GNA12: variants seen among roughly 807,000 people sequenced by gnomAD.
GNA12 encodes guanine nucleotide-binding protein subunit alpha-12.
In GNA12, 9 loss-of-function variants were observed where a neutral mutation model predicts 26.0. That is an observed-to-expected ratio of 0.35 (90% CI 0.21 to 0.60). The LOEUF (loss-of-function observed/expected upper bound fraction) is 0.60, where lower values mean the gene tolerates loss of function less well. GNA12 is among the 20% of genes least tolerant of loss of function. GNA12 has a pLI of 0.78. For synonymous variants in GNA12, 264 were observed against 219.6 expected, an observed-to-expected ratio of 1.20 and a Z score of -1.79; for missense variants, 405 against 525.8, an observed-to-expected ratio of 0.77 and a Z score of 2.25.
chr7:2,835,617 C>G, intron 1 of GNA12: 4 of 720,284 alleles, frequency 5.6e-6, no homozygotes, highest in Non-Finnish European at 1.0e-5. Flanking sequence ...TCTCCAGTCC[C>G]GAGATGGTGG....
chr7:2,843,727 G>A (rs991773306), intron 1 of GNA12, 126 bp downstream of exon 1: 3 of 456,462 alleles, frequency 6.6e-6, no homozygotes, highest in African/African-American at 4.2e-5. Flanking sequence ...GGTGCAGGCG[G>A]GGCTGGATCC....
At chr7:2,743,594 C>T (rs1021035940) in intron 2 of GNA12, among the ~76,000 whole-genome samples, 3 of 152,210 alleles carry the variant, frequency 2.0e-5, no homozygotes, top group Non-Finnish European at 2.9e-5. Flanking sequence ...CTCCGGTCTA[C>T]AGCTCCCAGC....
chr7:2,749,498 CCG>C (rs1000922451), intron 2 of GNA12, among the ~76,000 whole-genome samples: 1 of 141,312 alleles, frequency 7.1e-6, no homozygotes, highest in Admixed American at 7.4e-5. Context: ...ACATCACACA[CCG>C]GGGACTATTG....
intron 2 of GNA12, among the ~76,000 whole-genome samples, chr7:2,770,812 G>A (rs942532047): frequency 1.3e-5 from 2 of 152,166 alleles, no homozygotes; most frequent in East Asian, 1.9e-4. Flanking sequence ...TACTGAAACC[G>A]AATGCCCCTT....
At chr7:2,784,654 T>C (rs1015904720) in intron 2 of GNA12, among the ~76,000 whole-genome samples, 1 of 152,234 alleles carries the variant, frequency 6.6e-6, no homozygotes, top group African/African-American at 2.4e-5. Context: ...CTTTAATTTA[T>C]GTTTCCACAA....
chr7:2,731,472 G>T lies in GNA12; in HGVS notation c.855C>A (p.Leu285=), dbSNP rs540650945. 6.2e-7 allele frequency: 1 copy of T among 1,613,872 alleles called. No individual in the cohort carries two copies. The highest frequency in any genetic ancestry group is 1.7e-5 in the Admixed American group (1 of 59,992). ...NIFETIVNNK[L]FFNVSIILFL... is the part of the protein sequence containing the mutation. ...AGAGAATGATGGAGACGTTGAAGAA[G>T]AGCTTGTTGTTGACGATGGTCTCGA... Residue 285 remains leucine, a synonymous_variant, in exon 4 of 4, where the codon CTC becomes CTA. Transcript: ENST00000275364. This position sits in a 1 kb window ranked among gnomAD's most constrained non-coding sequence, Gnocchi z 6.0.
chr7:2,807,952 T>C (rs1792989137), intron 1 of GNA12, among the ~76,000 whole-genome samples: 1 of 152,172 alleles, frequency 6.6e-6, no homozygotes, highest in Non-Finnish European at 1.5e-5. Context: ...GTGGAGGAGC[T>C]ACGATGAATT....
chr7:2,782,756 T>C (rs1357197141), intron 2 of GNA12, among the ~76,000 whole-genome samples: 1 of 152,130 alleles, frequency 6.6e-6, no homozygotes. Context: ...TGCCCCGACT[T>C]TTCTTCCTGT....
At chr7:2,807,258 C>A (rs1158051324) in intron 1 of GNA12, among the ~76,000 whole-genome samples, 49 of 149,418 alleles carry the variant, frequency 3.3e-4, no homozygotes, top group Admixed American at 3.2e-3. Context: ...AGCTTTTATA[C>A]TGATTTTTAT....
chr7:2,839,051 T>A (rs964592403), intron 1 of GNA12, among the ~76,000 whole-genome samples: 41 of 152,276 alleles, frequency 2.7e-4, no homozygotes, highest in African/African-American at 7.7e-4. Context: ...CAAACGAGCA[T>A]ACGCGTTTAT....
At chr7:2,831,421 T>C (rs1284470040) in intron 1 of GNA12, among the ~76,000 whole-genome samples, 14 of 146,118 alleles carry the variant, frequency 9.6e-5, no homozygotes, top group African/African-American at 3.5e-4. Flanking sequence ...TTTTTTTTTT[T>C]GAGATGGAGT....
chr7:2,785,484 CATAT>C (rs1792335207), intron 2 of GNA12, among the ~76,000 whole-genome samples: 1 of 152,188 alleles, frequency 6.6e-6, no homozygotes, highest in South Asian at 2.1e-4. Flanking sequence ...AACGGTCACA[CATAT>C]ATACAGTACC....
At chr7:2,770,486 T>C (rs1437504920) in intron 2 of GNA12, among the ~76,000 whole-genome samples, 1 of 152,108 alleles carries the variant, frequency 6.6e-6, no homozygotes, top group African/African-American at 2.4e-5. Context: ...CTAGGCGTGG[T>C]GGTGCACACC....
chr7:2,832,507 G>C (rs944517769), intron 1 of GNA12, among the ~76,000 whole-genome samples: 1 of 152,182 alleles, frequency 6.6e-6, no homozygotes, highest in South Asian at 2.1e-4. Context: ...GTTCCACCAC[G>C]GTGACGAGAG....
intron 1 of GNA12, among the ~76,000 whole-genome samples, chr7:2,795,890 G>A (rs919020847): frequency 6.7e-6 from 1 of 150,080 alleles, no homozygotes; most frequent in Admixed American, 6.7e-5. Flanking sequence ...GAGTGATCTC[G>A]GCTCACTGCA....
intron 1 of GNA12, among the ~76,000 whole-genome samples, chr7:2,843,441 C>G (rs1185089443): frequency 6.6e-6 from 1 of 150,406 alleles, no homozygotes; most frequent in Non-Finnish European, 1.5e-5. Context: ...GGCCAGGAGA[C>G]TGAGACCAGC....
intron 2 of GNA12, 63 bp downstream of exon 2, chr7:2,794,865 G>T: frequency 1.7e-6 from 2 of 1,168,176 alleles, no homozygotes; most frequent in Non-Finnish European, 2.6e-6. Flanking sequence ...TCAACTAACG[G>T]TCCAAAATAG....
chr7:2,736,647 G>A (rs1054351696), intron 2 of GNA12, among the ~76,000 whole-genome samples: 16 of 152,190 alleles, frequency 1.1e-4, no homozygotes, highest in African/African-American at 3.1e-4. Context: ...GCCGACACAC[G>A]CCCATGAGGA....
At chr7:2,800,366 C>T (rs1792779670) in intron 1 of GNA12, among the ~76,000 whole-genome samples, 1 of 152,252 alleles carries the variant, frequency 6.6e-6, no homozygotes, top group South Asian at 2.1e-4. Context: ...AGGGGCAACA[C>T]GAGGAGATCT....
Sources: gnomAD v4.1 joint callset for allele counts (sites outside exome capture counted in the v4.1 genomes callset) on GRCh38, gnomAD v4.1.1 for gene constraint, Gnocchi (gnomAD v3.1) non-coding constraint, MANE v1.5 for transcripts, NCBI Gene and HGNC (gene_info 2026-07-23, HGNC 2026-07-21) for gene names.